Variants in PAPOLA observed in about 807,000 individuals in gnomAD.
The protein encoded by PAPOLA is polynucleotide adenylyltransferase alpha.
A neutral mutation model predicts 100.6 loss-of-function variants in PAPOLA; 15 were observed. The observed-to-expected ratio is 0.15, with a 90% CI of 0.10 to 0.23. The LOEUF is 0.23. PAPOLA is among the 10% of genes least tolerant of loss of function. The probability of loss-of-function intolerance (pLI) is 1.00; values close to 1 mark genes in which losing one functional copy is unlikely to be tolerated. For synonymous variants in PAPOLA, 293 were observed against 300.0 expected (o/e 0.98, Z 0.24); for missense variants, 533 against 884.2 (o/e 0.60, Z 5.04).
chr14:96,523,727 G>A (rs1351704657), intron 3 of PAPOLA, among the ~76,000 whole-genome samples: 1 of 152,148 alleles, frequency 6.6e-6, no homozygotes, highest in Non-Finnish European at 1.5e-5. Flanking sequence ...GGCTTATCAC[G>A]AGGTCAAGAG....
At chr14:96,537,094 C>G (rs1296430388) in intron 12 of PAPOLA, 34 bp downstream of exon 12, 1 of 1,126,120 alleles carries the variant, frequency 8.9e-7, no homozygotes, top group East Asian at 2.4e-5. Context: ...ACATGTTGCT[C>G]TCTTAAGTAA....
intron 21 of PAPOLA, among the ~76,000 whole-genome samples, chr14:96,563,784 G>A (rs182774541): frequency 6.6e-6 from 1 of 151,966 alleles, no homozygotes; most frequent in Admixed American, 6.6e-5. Context: ...AAAACTTTAG[G>A]GGGAGTAACT....
intron 4 of PAPOLA, among the ~76,000 whole-genome samples, chr14:96,525,760 GTAAA>G (rs960486366): frequency 5.3e-5 from 8 of 152,048 alleles, no homozygotes; most frequent in Non-Finnish European, 1.0e-4. Context: ...TCAAGAAAAA[GTAAA>G]TAAATAAATT....
intron 9 of PAPOLA, chr14:96,533,546 C>CTTTTTTTTTTTTT (rs1172413058): frequency 1.4e-5 from 8 of 574,906 alleles, no homozygotes; most frequent in African/African-American, 8.6e-5. Context: ...GTCAGAATTT[C>CTTTTTTTTTTTTT]TTTTTTTTTT....
At chr14:96,532,067 A>C in intron 7 of PAPOLA, 1 of 1,278,338 alleles carries the variant, frequency 7.8e-7, no homozygotes, top group Non-Finnish European at 9.8e-7. Flanking sequence ...CTGAAGTTCA[A>C]ATTGGGGCAG....
chr14:96,562,753 C>T, intron 20 of PAPOLA, 66 bp from the exon 21 acceptor site: 1 of 951,696 alleles, frequency 1.1e-6, no homozygotes, highest in Non-Finnish European at 1.7e-6. Flanking sequence ...GCCACCAAAC[C>T]CAGTTATGTT....
chr14:96,535,918 A>G lies in PAPOLA; in HGVS notation c.949A>G (p.Thr317Ala). The G allele has an allele frequency of 6.2e-7, 1 of 1,607,680 alleles. No homozygotes were observed. The highest frequency in any genetic ancestry group is 8.5e-7 in the Non-Finnish European group (1 of 1,176,260). ...TAGGTACCATCTTATGCCTATAATT[A>G]CACCAGCATACCCACAACAGAACTC... ...SDRYHLMPII[T>A]PAYPQQNSTY... The change falls in exon 11 of 22, where the codon ACA becomes GCA. Residue 317 changes from threonine (T) to alanine (A), a missense_variant. Physicochemically the swap from Thr to Ala is moderately conservative, Grantham distance 58. This residue lies in a region of PAPOLA where 87 missense variants were observed against 173.3 expected (regional missense o/e 0.50). Transcript: ENST00000216277.
intron 12 of PAPOLA, chr14:96,537,263 C>A: frequency 1.8e-6 from 1 of 547,846 alleles, no homozygotes; most frequent in East Asian, 3.0e-5. Context: ...TCTGCCCGAT[C>A]TAACTGAACT....
chr14:96,554,869 TG>T (rs1036282304), intron 17 of PAPOLA, among the ~76,000 whole-genome samples: 1 of 152,138 alleles, frequency 6.6e-6, no homozygotes, highest in African/African-American at 2.4e-5. Flanking sequence ...ATAATTTCTT[TG>T]TATAGGAAAG....
At chr14:96,537,336 A>G (rs1040238202) in intron 12 of PAPOLA, 4 of 331,602 alleles carry the variant, frequency 1.2e-5, no homozygotes, top group South Asian at 6.2e-5. Flanking sequence ...AAAACAGTAC[A>G]TCTGTATACA....
intron 11 of PAPOLA, among the ~76,000 whole-genome samples, chr14:96,536,646 C>T (rs1353064217): frequency 6.6e-6 from 1 of 151,914 alleles, no homozygotes; most frequent in Non-Finnish European, 1.5e-5. Flanking sequence ...AACAGGGAAA[C>T]TTGGTTTTAG....
At chr14:96,522,515 A>G (rs761762965) in intron 3 of PAPOLA, among the ~76,000 whole-genome samples, 26 of 151,772 alleles carry the variant, frequency 1.7e-4, no homozygotes, top group Admixed American at 1.3e-3. Context: ...GGCTCAGGCA[A>G]TCCTCCCACC....
At chr14:96,531,650 C>A in intron 7 of PAPOLA, 64 bp downstream of exon 7, 1 of 1,549,588 alleles carries the variant, frequency 6.5e-7, no homozygotes, top group Non-Finnish European at 8.7e-7. Flanking sequence ...TGTTTTTACA[C>A]AAGTTTTGTA....
intron 1 of PAPOLA, among the ~76,000 whole-genome samples, chr14:96,518,644 A>C (rs925200165): frequency 2.0e-5 from 3 of 150,506 alleles, no homozygotes; most frequent in South Asian, 4.3e-4. Context: ...TGATCCGCCC[A>C]CCTCGGCCTC....
intron 2 of PAPOLA, among the ~76,000 whole-genome samples, 173 bp downstream of exon 2, chr14:96,520,401 G>A (rs947832669): frequency 3.9e-5 from 6 of 152,212 alleles, no homozygotes; most frequent in African/African-American, 1.4e-4. Context: ...TTTTGAGACG[G>A]AGTCTTGCTC....
chr14:96,542,995 T>G (rs1247979291), intron 14 of PAPOLA, 102 bp downstream of exon 14: 2 of 1,159,184 alleles, frequency 1.7e-6, no homozygotes, highest in South Asian at 2.7e-5. Context: ...TTCTGTTGAC[T>G]ACATATGGCT....
At chr14:96,564,098 A>G (rs1902091273) in intron 21 of PAPOLA, among the ~76,000 whole-genome samples, 1 of 152,086 alleles carries the variant, frequency 6.6e-6, no homozygotes, top group Non-Finnish European at 1.5e-5. Flanking sequence ...ATTCATTCCT[A>G]TCTTTGGTAA....
Position 96,559,581 on chromosome 14 carries a change from C to CTCCATATATATATATA in PAPOLA, c.2005-1067_2005-1066insCCATATATATATATAT, listed in dbSNP as rs370979875. Among the ~76,000 whole-genome samples the CTCCATATATATATATA allele has an allele frequency of 3.3e-5, 4 of 120,182 alleles. 1 individual carries two copies. Among genetic ancestry groups the CTCCATATATATATATA allele is most frequent in the African/African-American group, 1.3e-4 (4 of 29,764 alleles). 78.8% of individuals were successfully genotyped at this position (120,182 alleles called of 152,430 possible). A position where few individuals can be genotyped will look rare whatever the true frequency, so the allele number is the denominator to read the frequency against. ...TCTCTCTCTCTCTCTCTCTCTCTCT[C>CTCCATATATATATATA]TATATATATATATATACACACACAC... On this transcript the variant is annotated intron_variant, in intron 19 of 21. Transcript: ENST00000216277.
At chr14:96,503,704 T>G (rs1322237037) in intron 1 of PAPOLA, among the ~76,000 whole-genome samples, 4 of 152,178 alleles carry the variant, frequency 2.6e-5, no homozygotes, top group Admixed American at 2.6e-4. Flanking sequence ...AGGATAAAGA[T>G]TTTTGTGGTT....
Sources: allele counts gnomAD v4.1 joint callset (sites outside exome capture counted in the v4.1 genomes callset), GRCh38; gene constraint gnomAD v4.1.1; regional missense constraint gnomAD v4.1.1; transcripts MANE v1.5; gene names NCBI Gene and HGNC (gene_info 2026-07-23, HGNC 2026-07-21).